The following OR2L13 variants were observed in gnomAD, a reference collection of about 807,000 sequenced individuals.
OR2L13 encodes olfactory receptor 2L13.
Under a neutral mutation model 15.3 loss-of-function variants are expected in OR2L13, and 14 were observed. The ratio of observed to expected loss-of-function variants is 0.91; its 90% CI spans 0.60 to 1.43. The LOEUF is 1.43. Among genes scored for constraint, OR2L13 ranks in the 40% most tolerant of loss-of-function variants. The pLI is 0.00. For missense variants in OR2L13, 367 were observed against 387.9 expected (o/e 0.95, Z 0.45); for synonymous variants, 152 against 142.9 (o/e 1.06, Z -0.45).
the OR2L13 span, chr1:247,949,749 G>T: frequency 6.2e-7 from 1 of 1,613,242 alleles, no homozygotes; most frequent in African/African-American, 1.3e-5. Flanking sequence ...GGAGGTGATG[G>T]GGGCCCTGAC....
chr1:248,048,663 A>C, the OR2L13 span, among the ~76,000 whole-genome samples: 4 of 152,162 alleles, frequency 2.6e-5, no homozygotes, highest in South Asian at 2.1e-4. Flanking sequence ...TGAAACTGAC[A>C]CTGTCACCTG....
chr1:248,086,620 A>G, the OR2L13 span, among the ~76,000 whole-genome samples: 1 of 152,016 alleles, frequency 6.6e-6, no homozygotes, highest in Non-Finnish European at 1.5e-5. Flanking sequence ...TGTTTTAAAT[A>G]TACAGCTATA....
At chr1:248,043,026 T>A in the OR2L13 span, among the ~76,000 whole-genome samples, 4 of 152,114 alleles carry the variant, frequency 2.6e-5, no homozygotes, top group Non-Finnish European at 4.4e-5. Context: ...TTCCAATATG[T>A]GCTTGATAAT....
the OR2L13 span, among the ~76,000 whole-genome samples, chr1:248,047,755 A>G: frequency 1.4e-4 from 21 of 152,212 alleles, no homozygotes; most frequent in African/African-American, 5.1e-4. Flanking sequence ...ATATTACTCT[A>G]CAGTCATAGC....
At chr1:247,985,219 A>G in the OR2L13 span, among the ~76,000 whole-genome samples, 4 of 152,082 alleles carry the variant, frequency 2.6e-5, no homozygotes, top group African/African-American at 9.7e-5. Context: ...ATCATTTAAC[A>G]TTAGGTATAT....
the OR2L13 span, chr1:248,024,011 ATATTTT>A: frequency 6.6e-6 from 1 of 152,102 alleles, no homozygotes; most frequent in African/African-American, 2.4e-5. Flanking sequence ...ATCAGAAAAT[ATATTTT>A]TATTTTTATT....
At chr1:248,050,566 A>AT in the OR2L13 span, among the ~76,000 whole-genome samples, 1 of 152,154 alleles carries the variant, frequency 6.6e-6, no homozygotes, top group African/African-American at 2.4e-5. Context: ...AAAACATGGC[A>AT]TTAACTATCA....
upstream of OR2L13, among the ~76,000 whole-genome samples, chr1:248,093,343 C>T (rs141750843): frequency 3.9e-5 from 6 of 152,240 alleles, no homozygotes; most frequent in African/African-American, 1.4e-4. Context: ...AGGTGAGATG[C>T]ATCATCATAT....
the OR2L13 span, chr1:248,061,707 T>G: frequency 1.6e-6 from 2 of 1,238,764 alleles, no homozygotes; most frequent in East Asian, 5.0e-5. Flanking sequence ...AATCCTAGAG[T>G]TCAGGAGCTA....
the OR2L13 span, among the ~76,000 whole-genome samples, chr1:247,954,189 T>G: frequency 6.6e-6 from 1 of 152,170 alleles, no homozygotes; most frequent in African/African-American, 2.4e-5. Context: ...ACAGAAGTAA[T>G]AAGTAGCTTC....
the OR2L13 span, among the ~76,000 whole-genome samples, chr1:247,999,873 A>T: frequency 2.3e-4 from 35 of 152,092 alleles, no homozygotes; most frequent in Non-Finnish European, 1.3e-4. Context: ...TTCCTGTTTT[A>T]CCATTTTCCA....
rs535970278 is a variant in OR2L13 at position 248,097,470 on chromosome 1, C to T, written c.-144+118C>T. The stretch of plus-strand genomic sequence containing the variant: ...ATCCTAAACTCAAACTCCAATATCC[C>T]ATGACCTAAAATCTCCAAGTCCCAG... On this transcript the variant is annotated intron_variant, in intron 1 of 2. Coordinates refer to ENST00000641714, the Ensembl canonical transcript of OR2L13. 497 of 152,298 alleles carry T rather than the reference C, an allele frequency of 3.3e-3. 1 individual carries two copies. Among genetic ancestry groups the T allele is most frequent in the Non-Finnish European group, 4.0e-3 (274 of 68,036 alleles). The allele number at this position is 152,298 out of a possible 1,614,324, so 9.4% of individuals were successfully genotyped here. A position where few individuals can be genotyped will look rare whatever the true frequency, so the allele number is the denominator to read the frequency against.
At chr1:247,979,006 A>G in the OR2L13 span, among the ~76,000 whole-genome samples, 1 of 152,056 alleles carries the variant, frequency 6.6e-6, no homozygotes, top group South Asian at 2.1e-4. Flanking sequence ...GGTAGTCTTG[A>G]GTCATGACCT....
chr1:248,022,529 T>C, the OR2L13 span: 2 of 1,614,216 alleles, frequency 1.2e-6, no homozygotes, highest in East Asian at 2.2e-5. Flanking sequence ...CCTGGGTCTA[T>C]GAGTACACAG....
chr1:248,094,195 C>A (rs542767906), upstream of OR2L13, among the ~76,000 whole-genome samples: 9 of 151,954 alleles, frequency 5.9e-5, no homozygotes, highest in East Asian at 1.5e-3. Context: ...TATATGCAAC[C>A]ATTAGATAAT....
chr1:248,006,931 T>G, the OR2L13 span, among the ~76,000 whole-genome samples: 1 of 152,172 alleles, frequency 6.6e-6, no homozygotes, highest in Non-Finnish European at 1.5e-5. Flanking sequence ...TGTTTATAGG[T>G]TACCCCATTT....
At chr1:247,985,951 G>A in the OR2L13 span, among the ~76,000 whole-genome samples, 1 of 152,136 alleles carries the variant, frequency 6.6e-6, no homozygotes, top group African/African-American at 2.4e-5. Flanking sequence ...ACTTTTTGAT[G>A]GGGTTGTTTG....
the OR2L13 span, among the ~76,000 whole-genome samples, chr1:248,047,642 C>G: frequency 6.6e-6 from 1 of 152,158 alleles, no homozygotes. Flanking sequence ...TTTCGGGACA[C>G]AAGGTAAACT....
the OR2L13 span, among the ~76,000 whole-genome samples, chr1:247,961,851 CA>C: frequency 1.3e-5 from 2 of 150,422 alleles, no homozygotes; most frequent in Admixed American, 6.6e-5. Context: ...TGGCAAAGGC[CA>C]AAAAAAAAGC....
Sources: gnomAD v4.1 joint callset for allele counts (sites outside exome capture counted in the v4.1 genomes callset) on GRCh38, gnomAD v4.1.1 for gene constraint, MANE v1.5 for transcripts, NCBI Gene and HGNC (gene_info 2026-07-23, HGNC 2026-07-21) for gene names.